The following PPP1R12A variants were observed in gnomAD, a reference collection of about 807,000 sequenced individuals.
PPP1R12A encodes the protein protein phosphatase 1 regulatory subunit 12A.
PPP1R12A carries 19 observed loss-of-function variants against 139.6 expected under a neutral mutation model. The observed-to-expected ratio is 0.14, with a 90% CI of 0.09 to 0.20. PPP1R12A has a LOEUF of 0.20. Among genes scored for constraint, PPP1R12A ranks in the 10% least tolerant of loss-of-function variants. PPP1R12A has a pLI of 1.00. For missense variants in PPP1R12A, 925 were observed against 1,211.5 expected (o/e 0.76, Z 3.51); for synonymous variants, 427 against 420.6 (o/e 1.02, Z -0.19).
chr12:79,811,529 C>T (rs1874533351), intron 9 of PPP1R12A, among the ~76,000 whole-genome samples: 1 of 152,280 alleles, frequency 6.6e-6, no homozygotes, highest in East Asian at 1.9e-4. Context: ...TGAAAAAATC[C>T]TACCAAACAC....
chr12:79,792,748 G>A (rs1168944331), intron 19 of PPP1R12A, among the ~76,000 whole-genome samples: 1 of 152,118 alleles, frequency 6.6e-6, no homozygotes, highest in African/African-American at 2.4e-5. Flanking sequence ...AATGAGAGGT[G>A]TCAGATGGGG....
At chr12:79,801,336 ACT>A (rs1311131820) in intron 14 of PPP1R12A, among the ~76,000 whole-genome samples, 1 of 124,766 alleles carries the variant, frequency 8.0e-6, no homozygotes, top group African/African-American at 3.1e-5. Context: ...CTAGAGCAAA[ACT>A]CTGTCTCAAA....
intron 4 of PPP1R12A, among the ~76,000 whole-genome samples, chr12:79,829,397 C>G (rs192989062): frequency 3.9e-5 from 6 of 152,134 alleles, no homozygotes; most frequent in Non-Finnish European, 7.4e-5. Context: ...TATTTAAGAA[C>G]AAATCTGGTA....
upstream of PPP1R12A, chr12:79,935,197 T>C: frequency 7.6e-7 from 1 of 1,307,834 alleles, no homozygotes; most frequent in Non-Finnish European, 9.7e-7. Flanking sequence ...TAACGTAACT[T>C]CGCGAGATCC....
At chr12:79,865,101 G>A (rs1002988781) in intron 2 of PPP1R12A, among the ~76,000 whole-genome samples, 4 of 152,200 alleles carry the variant, frequency 2.6e-5, no homozygotes, top group East Asian at 1.9e-4. Context: ...TCAGCAGCAC[G>A]TCAAAAAGCT....
Position 79,788,751 on chromosome 12 carries a change from C to A in PPP1R12A, c.2699G>T (p.Arg900Leu). ...YETSSTSAGD[R>L]YDSLLGRSGS... ...AGAGCGACCCAGCAAGGAATCATAT[C>A]GATCACCAGCTGATGTAGAACTGGT... is the stretch of plus-strand genomic sequence containing the variant. Residue 900 changes from arginine to leucine, a missense_variant, in exon 21 of 25, where the codon CGA becomes CTA. By Grantham distance (102) the Arg-to-Leu change is moderately radical (BLOSUM62 -2). Coordinates refer to ENST00000450142, the MANE Select transcript of PPP1R12A (RefSeq NM_002480.3). The A allele has an allele frequency of 6.2e-7, 1 of 1,611,452 alleles. No homozygotes were observed. The highest frequency in any genetic ancestry group is 8.5e-7 in the Non-Finnish European group (1 of 1,178,608).
intron 17 of PPP1R12A, among the ~76,000 whole-genome samples, chr12:79,796,420 A>G: frequency 6.9e-6 from 1 of 145,954 alleles, no homozygotes; most frequent in East Asian, 2.1e-4. Flanking sequence ...TCACAAAAAA[A>G]CATTTAAATG....
At chr12:79,784,604 T>G (rs1287642251) in intron 22 of PPP1R12A, among the ~76,000 whole-genome samples, 2 of 152,166 alleles carry the variant, frequency 1.3e-5, no homozygotes, top group African/African-American at 4.8e-5. Context: ...TGAGTCACCA[T>G]GACAGAACAC....
chr12:79,824,377 C>A (rs1258733240), intron 5 of PPP1R12A, among the ~76,000 whole-genome samples: 1 of 152,114 alleles, frequency 6.6e-6, no homozygotes, highest in African/African-American at 2.4e-5. Context: ...AACTACCCCA[C>A]CTTGAAAATG....
At chr12:79,845,494 G>C in intron 2 of PPP1R12A, 74 bp from the exon 3 acceptor site, 1 of 1,083,824 alleles carries the variant, frequency 9.2e-7, no homozygotes, top group South Asian at 1.4e-5. Context: ...TAACCAATGA[G>C]GAAAGTTCCT....
chr12:79,836,033 A>G (rs1878037087), intron 3 of PPP1R12A, among the ~76,000 whole-genome samples: 1 of 152,226 alleles, frequency 6.6e-6, no homozygotes, highest in African/African-American at 2.4e-5. Flanking sequence ...ATGTATAGAA[A>G]AAGTCATCTT....
At chr12:79,916,162 AATGT>A (rs1886979420) in intron 1 of PPP1R12A, among the ~76,000 whole-genome samples, 1 of 151,976 alleles carries the variant, frequency 6.6e-6, no homozygotes, top group Non-Finnish European at 1.5e-5. Context: ...ATAAACAACA[AATGT>A]ACCTATAAAC....
intron 1 of PPP1R12A, among the ~76,000 whole-genome samples, chr12:79,902,239 A>C (rs76718201): frequency 0.019 from 2,820 of 152,284 alleles, 90 homozygotes; most frequent in African/African-American, 0.065. Flanking sequence ...CTAACAAACA[A>C]CACCATTTCC....
intron 1 of PPP1R12A, among the ~76,000 whole-genome samples, chr12:79,903,806 C>T (rs1317240408): frequency 1.7e-4 from 26 of 152,050 alleles, no homozygotes; most frequent in Admixed American, 1.7e-3. Flanking sequence ...ACTCACAGCT[C>T]TTCAAAAAAA....
intron 1 of PPP1R12A, among the ~76,000 whole-genome samples, chr12:79,899,551 G>C (rs1885446282): frequency 6.6e-6 from 1 of 151,924 alleles, no homozygotes; most frequent in Admixed American, 6.6e-5. Context: ...ATGTTGTTGT[G>C]GTTATCAAGT....
chr12:79,784,819 A>G (rs1249234625), intron 22 of PPP1R12A, among the ~76,000 whole-genome samples: 2 of 151,948 alleles, frequency 1.3e-5, no homozygotes, highest in Non-Finnish European at 2.9e-5. Context: ...CTGTATTTTT[A>G]GTAGAGATGA....
At chr12:79,807,628 T>G (rs1874005432) in intron 11 of PPP1R12A, among the ~76,000 whole-genome samples, 2 of 151,974 alleles carry the variant, frequency 1.3e-5, no homozygotes, top group Non-Finnish European at 2.9e-5. Flanking sequence ...TTATAGTATG[T>G]TATGTGCCGA....
At chr12:79,891,933 C>T (rs749366268) in intron 1 of PPP1R12A, among the ~76,000 whole-genome samples, 2 of 152,124 alleles carry the variant, frequency 1.3e-5, no homozygotes, top group Non-Finnish European at 1.5e-5. Context: ...GCCAATAGCT[C>T]GAGGAAAATA....
intron 22 of PPP1R12A, among the ~76,000 whole-genome samples, chr12:79,784,903 T>G (rs1290489752): frequency 6.6e-6 from 1 of 152,118 alleles, no homozygotes; most frequent in Non-Finnish European, 1.5e-5. Flanking sequence ...ACTCCCAAAG[T>G]GCTGGAATTA....
Sources: gnomAD v4.1 joint callset for allele counts (sites outside exome capture counted in the v4.1 genomes callset) on GRCh38, gnomAD v4.1.1 for gene constraint, MANE v1.5 for transcripts, NCBI Gene and HGNC (gene_info 2026-07-23, HGNC 2026-07-21) for gene names.